Variants in C9orf85 observed in about 807,000 individuals in gnomAD.
C9orf85 encodes the protein uncharacterized protein C9orf85.
In C9orf85, 16 loss-of-function variants were observed where a neutral mutation model predicts 14.9. The ratio of observed to expected loss-of-function variants is 1.08; its 90% CI spans 0.73 to 1.63. C9orf85 has a LOEUF of 1.63. Ranked by LOEUF, C9orf85 falls within the 40% of genes most tolerant of loss-of-function variation. C9orf85 has a pLI of 0.00. For synonymous variants in C9orf85, 45 were observed against 56.8 expected (o/e 0.79, Z 0.93); for missense variants, 172 against 186.1 (o/e 0.92, Z 0.44).
chr9:71,971,889 G>C (rs1291185622), intron 3 of C9orf85, among the ~76,000 whole-genome samples: 1 of 150,536 alleles, frequency 6.6e-6, no homozygotes, highest in African/African-American at 2.4e-5. Flanking sequence ...CAGGAGAATC[G>C]CTTGAACTTG....
intron 2 of C9orf85, among the ~76,000 whole-genome samples, chr9:71,951,280 G>A (rs1822239539): frequency 6.6e-6 from 1 of 152,184 alleles, no homozygotes; most frequent in African/African-American, 2.4e-5. Context: ...ATGTACTGAA[G>A]GAGGATAGGA....
At chr9:71,962,692 T>C (rs1049633379) in intron 2 of C9orf85, among the ~76,000 whole-genome samples, 2 of 152,204 alleles carry the variant, frequency 1.3e-5, no homozygotes, top group African/African-American at 4.8e-5. Flanking sequence ...CCTAAGAAGA[T>C]AGAGGAGAAA....
At position 71,911,825 on chromosome 9, in the gene C9orf85, G is replaced by C. The variant is rs992508988; in HGVS notation, c.91G>C (p.Val31Leu). The C allele has an allele frequency of 2.5e-6, 4 of 1,613,976 alleles. No homozygotes were observed. Among genetic ancestry groups the C allele is most frequent in the Middle Eastern group, 1.6e-4 (1 of 6,082 alleles). The change falls in exon 1 of 4, where the codon GTG becomes CTG. Residue 31 changes from valine (V) to leucine (L), a missense_variant. By Grantham distance (32) the Val-to-Leu change is conservative. Transcript: ENST00000334731. ...CAAAAATGACAAGTTCGATAAAAGT[G>C]TGCAGACCAAGGTAGGAACCTGCCT... ...SFKNDKFDKSVQTKKINAKLH... is the reference protein window; with the variant it reads ...SFKNDKFDKSLQTKKINAKLH...
intron 1 of C9orf85, among the ~76,000 whole-genome samples, chr9:71,917,287 G>T (rs1363827885): frequency 1.3e-5 from 2 of 152,214 alleles, no homozygotes; most frequent in African/African-American, 4.8e-5. Flanking sequence ...TCCTCATGAG[G>T]TGTGGCCCCT....
chr9:71,972,715 T>C lies in C9orf85; in HGVS notation c.347T>C (p.Ile116Thr), dbSNP rs138784571. 3.9e-4 allele frequency: 616 copies of C among 1,591,388 alleles called. 1 individual carries two copies. The African/African-American group carries it at 7.4e-3, about 19-fold the overall frequency. Residue 116 changes from isoleucine to threonine, a missense_variant, in exon 4 of 4, where the codon ATA becomes ACA. Ile to Thr is a moderately conservative substitution (Grantham distance 89). Coordinates refer to ENST00000334731, the MANE Select transcript of C9orf85 (RefSeq NM_182505.5). ...AGGTTGAATAAAGAAACAGAAAAAA[T>C]AGAACATACTGAAAATAATCTAAGT... The part of the protein sequence containing the change: ...VIPLNKETEK[I>T]EHTENNLSSN...
At chr9:71,963,617 C>T (rs979552876) in intron 2 of C9orf85, among the ~76,000 whole-genome samples, 1 of 152,158 alleles carries the variant, frequency 6.6e-6, no homozygotes, top group Non-Finnish European at 1.5e-5. Context: ...GTGGGCTTGG[C>T]GGGCCCTGCA....
At chr9:71,984,381 A>G (rs1823164929), downstream of C9orf85, 1 of 152,172 alleles carries the variant, frequency 6.6e-6, no homozygotes. Flanking sequence ...CTCTGTTCCC[A>G]TTGGTAGAAT....
At chr9:71,918,571 T>C in intron 1 of C9orf85, 1 of 500,210 alleles carries the variant, frequency 2.0e-6, no homozygotes. Context: ...TGAGTTAAGC[T>C]TCATCTGTAT....
chr9:71,918,626 T>C, intron 1 of C9orf85: 1 of 343,252 alleles, frequency 2.9e-6, no homozygotes, highest in South Asian at 2.3e-5. Context: ...GAGTTCTGCC[T>C]CCTGTCAGAT....
chr9:71,945,184 A>T (rs556690098), intron 1 of C9orf85, among the ~76,000 whole-genome samples: 2 of 152,258 alleles, frequency 1.3e-5, no homozygotes, highest in Non-Finnish European at 2.9e-5. Flanking sequence ...CATTCAGTTA[A>T]GGAAATATAA....
At chr9:71,975,412 G>T (rs1456004176), downstream of C9orf85, among the ~76,000 whole-genome samples, 1 of 147,198 alleles carries the variant, frequency 6.8e-6, no homozygotes, top group Admixed American at 6.8e-5. Flanking sequence ...TTGCACTACA[G>T]CCTGGGTGAC....
intron 1 of C9orf85, among the ~76,000 whole-genome samples, chr9:71,938,052 T>C (rs193035919): frequency 1.5e-3 from 225 of 152,252 alleles, no homozygotes; most frequent in Middle Eastern, 6.8e-3. Flanking sequence ...GACTAGCTCA[T>C]TTTGTGAAAT....
intron 1 of C9orf85, among the ~76,000 whole-genome samples, chr9:71,939,079 AATT>A (rs1321709202): frequency 5.8e-5 from 1 of 17,166 alleles, no homozygotes; most frequent in East Asian, 0.17. Flanking sequence ...ATTTTTATAA[AATT>A]TCTATATTTT....
chr9:71,924,345 A>G (rs1041706085), intron 1 of C9orf85, among the ~76,000 whole-genome samples: 2 of 129,882 alleles, frequency 1.5e-5, no homozygotes, highest in African/African-American at 2.9e-5. Context: ...TTTAGTTAGA[A>G]GAGTTGGAGC....
At chr9:71,952,444 A>G (rs2132319802) in intron 2 of C9orf85, among the ~76,000 whole-genome samples, 1 of 152,268 alleles carries the variant, frequency 6.6e-6, no homozygotes, top group South Asian at 2.1e-4. Flanking sequence ...AGCTCACTGC[A>G]AGCTCCGCCT....
intron 2 of C9orf85, among the ~76,000 whole-genome samples, chr9:71,957,255 G>A (rs1429291604): frequency 6.6e-6 from 1 of 152,150 alleles, no homozygotes; most frequent in Non-Finnish European, 1.5e-5. Flanking sequence ...TAGGGTATCA[G>A]ACTAAGTGGA....
chr9:71,940,816 TTTAA>T (rs1175865192), intron 1 of C9orf85, among the ~76,000 whole-genome samples: 1 of 152,218 alleles, frequency 6.6e-6, no homozygotes, highest in Non-Finnish European at 1.5e-5. Flanking sequence ...CCAACTGTCC[TTTAA>T]TTGGTGAATT....
At position 71,947,007 on chromosome 9, in the gene C9orf85, AAATT is replaced by A. The variant is rs533403716; in HGVS notation, c.108_111del (p.Ile36MetfsTer20). ...TTTGTCTTTCTGTTTGTTTTTAAGAAAATTAATGCAAAACTTCATGATGGAGTAT... is the reference window on the plus strand; with the variant it reads ...TTTGTCTTTCTGTTTGTTTTTAAGAAAATGCAAAACTTCATGATGGAGTAT... On this transcript the variant is annotated frameshift_variant and splice_region_variant, in exon 2 of 4. Transcript: ENST00000334731. LOFTEE classifies it high-confidence loss of function. The A allele has an allele frequency of 1.2e-3, 1,993 of 1,609,004 alleles. 4 individuals are homozygous for A. Among genetic ancestry groups the A allele is most frequent in the Non-Finnish European group, 1.3e-3 (1,531 of 1,176,952 alleles).
intron 1 of C9orf85, among the ~76,000 whole-genome samples, chr9:71,935,019 G>A (rs907482306): frequency 5.3e-5 from 8 of 152,228 alleles, no homozygotes; most frequent in East Asian, 1.9e-4. Context: ...AAGCATGCTC[G>A]TCACTAATCA....
Sources: gnomAD v4.1 joint callset for allele counts (sites outside exome capture counted in the v4.1 genomes callset) on GRCh38, gnomAD v4.1.1 for gene constraint, MANE v1.5 for transcripts, NCBI Gene and HGNC (gene_info 2026-07-23, HGNC 2026-07-21) for gene names.